SLAIN2: variants seen among roughly 807,000 people sequenced by gnomAD.
The protein encoded by SLAIN2 is SLAIN motif-containing protein 2.
In SLAIN2, 31 loss-of-function variants were observed where a neutral mutation model predicts 56.6. The observed-to-expected ratio is 0.55, with a 90% CI of 0.41 to 0.74. SLAIN2 has a LOEUF of 0.74. Ranked by LOEUF, SLAIN2 falls within the 30% of genes least tolerant of loss-of-function variation. SLAIN2 has a pLI of 0.00. For missense variants in SLAIN2, 777 were observed against 754.2 expected (o/e 1.03, Z -0.35); for synonymous variants, 317 against 284.9 (o/e 1.11, Z -1.13).
Position 48,384,251 on chromosome 4 carries a change from A to G in SLAIN2, c.1360+467A>G, listed in dbSNP as rs1298790126. Among the ~76,000 whole-genome samples the G allele has an allele frequency of 2.0e-5, 3 of 152,334 alleles. No individual in the cohort carries two copies. In the East Asian group the frequency reaches 5.8e-4, roughly 29 times the overall value. On this transcript the variant is annotated intron_variant, in intron 6 of 7. Coordinates refer to ENST00000264313, the MANE Select transcript of SLAIN2 (RefSeq NM_020846.2). ...AATCCATTGTTCAAACCTGCAATAT[A>G]TTAAATCTGTTATCAAAGTTGAATT...
At chr4:48,367,905 C>T (rs1256633212) in intron 1 of SLAIN2, among the ~76,000 whole-genome samples, 3 of 152,030 alleles carry the variant, frequency 2.0e-5, no homozygotes, top group African/African-American at 7.3e-5. Context: ...ATCTATATCA[C>T]CCTAAAAAGA....
intron 1 of SLAIN2, among the ~76,000 whole-genome samples, chr4:48,368,063 T>TTTTTTTTTTTTTTTTTG (rs1715570116): frequency 6.8e-6 from 1 of 146,594 alleles, no homozygotes; most frequent in African/African-American, 2.6e-5. Context: ...TTTTTTTTTT[T>TTTTTTTTTTTTTTTTTG]TGACAGTGTT....
chr4:48,405,339 A>G (rs1201461585), intron 6 of SLAIN2, among the ~76,000 whole-genome samples: 6 of 152,056 alleles, frequency 3.9e-5, no homozygotes, highest in Admixed American at 2.0e-4. Context: ...TTTATCATCC[A>G]AGTTTTGAAA....
chr4:48,401,447 T>C (rs1716554021), intron 6 of SLAIN2, among the ~76,000 whole-genome samples: 1 of 152,210 alleles, frequency 6.6e-6, no homozygotes, highest in Admixed American at 6.5e-5. Context: ...GCTTTATGAA[T>C]CTGGGTGCTC....
At chr4:48,412,350 G>A (rs1716878797) in intron 6 of SLAIN2, among the ~76,000 whole-genome samples, 1 of 134,520 alleles carries the variant, frequency 7.4e-6, no homozygotes, top group Non-Finnish European at 1.6e-5. Context: ...TTCCTGTAAT[G>A]TATGTTTGTA....
At chr4:48,368,218 TTTTGTATTTTTAGTAGAGATGGGG>T (rs757166353) in intron 1 of SLAIN2, among the ~76,000 whole-genome samples, 5 of 151,910 alleles carry the variant, frequency 3.3e-5, no homozygotes, top group East Asian at 1.9e-4. Flanking sequence ...CTGGCTAATT[TTTTGTATTTTTAGTAGAGATGGGG>T]TTTGTATTTT....
intron 6 of SLAIN2, 96 bp downstream of exon 6, chr4:48,383,880 G>T: frequency 7.4e-7 from 1 of 1,353,526 alleles, no homozygotes; most frequent in Non-Finnish European, 1.0e-6. Context: ...TTTTTATGCT[G>T]AAAAACCGTT....
intron 6 of SLAIN2, among the ~76,000 whole-genome samples, chr4:48,414,715 G>C (rs1234487017): frequency 2.9e-5 from 3 of 103,602 alleles, no homozygotes; most frequent in African/African-American, 1.1e-4. Flanking sequence ...CCCCTCCCCC[G>C]ACCCCACCAC....
chr4:48,417,721 A>G (rs1484416954), intron 6 of SLAIN2, among the ~76,000 whole-genome samples: 2 of 142,816 alleles, frequency 1.4e-5, no homozygotes. Flanking sequence ...AATGTAATCC[A>G]GCATATAAAC....
intron 1 of SLAIN2, among the ~76,000 whole-genome samples, chr4:48,366,749 G>T (rs1715531733): frequency 6.6e-6 from 1 of 152,234 alleles, no homozygotes; most frequent in South Asian, 2.1e-4. Flanking sequence ...GTTTTGCCAC[G>T]TTGGAGGCTG....
chr4:48,349,261 A>T (rs1260044203), intron 1 of SLAIN2, among the ~76,000 whole-genome samples: 1 of 152,220 alleles, frequency 6.6e-6, no homozygotes, highest in East Asian at 1.9e-4. Context: ...TAGCATATTC[A>T]TCTTTATGTT....
chr4:48,407,324 C>G lies in SLAIN2; in HGVS notation c.1361-12801C>G, dbSNP rs149778270. ...AATTCCTTCCTGAGTTCCATCAGCT[C>G]ATTTCTGAGTGTTTGTCACTCCGAT... On this transcript the variant is annotated intron_variant, in intron 6 of 7. Coordinates refer to ENST00000264313, the MANE Select transcript of SLAIN2 (RefSeq NM_020846.2). Among the ~76,000 whole-genome samples the G allele has an allele frequency of 1.6e-3, 247 of 152,160 alleles. 1 individual carries two copies. Among genetic ancestry groups the G allele is most frequent in the African/African-American group, 5.3e-3 (221 of 41,546 alleles).
chr4:48,403,263 G>T (rs1370163230), intron 6 of SLAIN2, among the ~76,000 whole-genome samples: 3 of 152,322 alleles, frequency 2.0e-5, no homozygotes, highest in South Asian at 4.1e-4. Flanking sequence ...GCTCTGGGGG[G>T]ATCCCCTTTT....
chr4:48,363,753 C>A (rs1715411420), intron 1 of SLAIN2, among the ~76,000 whole-genome samples: 1 of 132,430 alleles, frequency 7.6e-6, no homozygotes, highest in South Asian at 2.8e-4. Flanking sequence ...GGGCTGACCC[C>A]CCCCACCTCC....
Position 48,423,348 on chromosome 4 carries a change from A to G in SLAIN2, c.*1271A>G, listed in dbSNP as rs781711712. ...TAATGGCTCTTAATATATCCTTGAA[A>G]TCGGCTATTTCAATTTTATCAGACT... On this transcript the variant is annotated 3_prime_UTR_variant, in exon 8 of 8. Transcript: ENST00000264313. 15 of 152,110 alleles carry G rather than the reference A, an allele frequency of 9.9e-5. No homozygotes were observed. Among genetic ancestry groups the G allele is most frequent in the Non-Finnish European group, 1.6e-4 (11 of 68,014 alleles). The allele number at this position is 152,110 out of a possible 1,614,324, so 9.4% of individuals were successfully genotyped here.
chr4:48,383,557 T>C, intron 5 of SLAIN2, 90 bp from the exon 6 acceptor site: 1 of 1,201,790 alleles, frequency 8.3e-7, no homozygotes, highest in East Asian at 2.6e-5. Context: ...GAATGTTTGA[T>C]AAACAATTTG....
At chr4:48,413,503 T>C (rs1468005183) in intron 6 of SLAIN2, among the ~76,000 whole-genome samples, 3 of 152,334 alleles carry the variant, frequency 2.0e-5, no homozygotes, top group Non-Finnish European at 2.9e-5. Context: ...TTTTGTTCTT[T>C]AGCAGCCAGA....
chr4:48,413,035 C>G (rs1716906951), intron 6 of SLAIN2, among the ~76,000 whole-genome samples: 1 of 151,842 alleles, frequency 6.6e-6, no homozygotes, highest in South Asian at 2.1e-4. Flanking sequence ...TGAGACCAGC[C>G]AGACCATCAT....
At chr4:48,406,102 G>C (rs1716687530) in intron 6 of SLAIN2, among the ~76,000 whole-genome samples, 1 of 152,138 alleles carries the variant, frequency 6.6e-6, no homozygotes, top group African/African-American at 2.4e-5. Context: ...GGTATGACAA[G>C]ATTGGCTGGT....
Sources: allele counts gnomAD v4.1 joint callset (sites outside exome capture counted in the v4.1 genomes callset), GRCh38; gene constraint gnomAD v4.1.1; transcripts MANE v1.5; gene names NCBI Gene and HGNC (gene_info 2026-07-23, HGNC 2026-07-21).